Variants in TRDN observed in about 807,000 individuals in gnomAD.
The protein encoded by TRDN is triadin in skeletal muscle.
Under a neutral mutation model 149.7 loss-of-function variants are expected in TRDN, and 161 were observed. The observed-to-expected ratio is 1.08, with a 90% CI of 0.95 to 1.23. TRDN has a LOEUF of 1.23. Ranked by LOEUF, TRDN falls within the 50% of genes most tolerant of loss-of-function variation. The pLI, the probability that TRDN is intolerant of heterozygous loss-of-function variation, is 0.00. For missense variants in TRDN, 896 were observed against 823.5 expected (o/e 1.09, Z -1.08); for synonymous variants, 294 against 250.5 (o/e 1.17, Z -1.64).
chr6:123,502,644 G>A (rs1208553196), intron 8 of TRDN: 2 of 984,464 alleles, frequency 2.0e-6, no homozygotes, highest in Admixed American at 6.2e-5. Context: ...TGCCTTATGA[G>A]GAAAAATTAA....
chr6:123,571,397 A>C (rs189939718), intron 1 of TRDN, among the ~76,000 whole-genome samples: 3 of 152,300 alleles, frequency 2.0e-5, no homozygotes, highest in African/African-American at 4.8e-5. Context: ...ACAAGTGATA[A>C]AATGGTTCAA....
chr6:123,427,114 G>A (rs1774154793), intron 12 of TRDN, among the ~76,000 whole-genome samples: 1 of 151,584 alleles, frequency 6.6e-6, no homozygotes, highest in South Asian at 2.1e-4. Context: ...TATTTTTTTA[G>A]TGCCCTTGGT....
intron 37 of TRDN, among the ~76,000 whole-genome samples, chr6:123,254,398 C>T (rs540902072): frequency 6.6e-6 from 1 of 151,928 alleles, no homozygotes; most frequent in African/African-American, 2.4e-5. Flanking sequence ...AAAAACAAAG[C>T]TTTTTCTCTC....
chr6:123,377,991 T>C, intron 16 of TRDN, 93 bp from the exon 17 acceptor site: 1 of 866,560 alleles, frequency 1.2e-6, no homozygotes, highest in South Asian at 1.9e-5. Context: ...GAAACATGCA[T>C]GTGCTGATGC....
intron 4 of TRDN, among the ~76,000 whole-genome samples, chr6:123,539,085 T>C (rs1373666302): frequency 1.3e-5 from 2 of 152,194 alleles, no homozygotes; most frequent in South Asian, 2.1e-4. Flanking sequence ...TTTTAAAACA[T>C]ATTCCTGAGC....
At chr6:123,526,572 G>A (rs1453109610) in intron 5 of TRDN, among the ~76,000 whole-genome samples, 2 of 152,046 alleles carry the variant, frequency 1.3e-5, no homozygotes, top group South Asian at 2.1e-4. Context: ...GTAAACCTAC[G>A]TATTCTTAGT....
At chr6:123,277,203 T>C (rs1399704741) in intron 26 of TRDN, among the ~76,000 whole-genome samples, 1 of 152,154 alleles carries the variant, frequency 6.6e-6, no homozygotes, top group Non-Finnish European at 1.5e-5. Context: ...CCAAGTTTTA[T>C]ATGTAACTGA....
chr6:123,393,570 G>A (rs2114461154), intron 13 of TRDN, 54 bp downstream of exon 13: 1 of 1,506,398 alleles, frequency 6.6e-7, no homozygotes, highest in Non-Finnish European at 9.0e-7. Context: ...TGTCAATAAA[G>A]TGCTATAGAT....
chr6:123,369,313 A>G (rs958494150), intron 19 of TRDN, among the ~76,000 whole-genome samples: 3 of 152,174 alleles, frequency 2.0e-5, no homozygotes, highest in Non-Finnish European at 4.4e-5. Context: ...ACTTGAGTAT[A>G]TCTATGAAGA....
intron 19 of TRDN, among the ~76,000 whole-genome samples, chr6:123,372,659 G>C (rs1781365997): frequency 6.6e-6 from 1 of 152,102 alleles, no homozygotes; most frequent in African/African-American, 2.4e-5. Flanking sequence ...ATCATTGAAA[G>C]AGAAAGGGGT....
intron 1 of TRDN, among the ~76,000 whole-genome samples, chr6:123,594,362 C>T (rs1783928562): frequency 6.6e-6 from 1 of 151,962 alleles, no homozygotes; most frequent in Non-Finnish European, 1.5e-5. Context: ...TTTGTGGATG[C>T]CTAATCCAGA....
chr6:123,622,865 G>C (rs1354208718), intron 1 of TRDN, among the ~76,000 whole-genome samples: 2 of 152,112 alleles, frequency 1.3e-5, no homozygotes, highest in Non-Finnish European at 2.9e-5. Context: ...AGCACATGTA[G>C]AGTTCACTAT....
intron 10 of TRDN, chr6:123,456,966 T>C: frequency 2.5e-6 from 1 of 399,728 alleles, no homozygotes; most frequent in South Asian, 1.8e-5. Context: ...AAATTGGTAC[T>C]TGTAAGCAAG....
chr6:123,531,624 A>C (rs1780259169), intron 4 of TRDN, among the ~76,000 whole-genome samples: 1 of 152,062 alleles, frequency 6.6e-6, no homozygotes, highest in African/African-American at 2.4e-5. Flanking sequence ...ATCTACTCTT[A>C]TCTCAACTGT....
intron 10 of TRDN, chr6:123,442,184 A>G (rs1258323520): frequency 6.6e-6 from 1 of 152,312 alleles, no homozygotes; most frequent in Non-Finnish European, 1.5e-5. Context: ...AATTCTGTCC[A>G]TGACTCTTCC....
At chr6:123,529,948 C>T (rs927686851) in intron 5 of TRDN, among the ~76,000 whole-genome samples, 6 of 152,106 alleles carry the variant, frequency 3.9e-5, no homozygotes, top group Non-Finnish European at 7.4e-5. Context: ...TCTTAATTTG[C>T]TTCTGCTGCA....
chr6:123,388,383 C>T, intron 14 of TRDN, 139 bp downstream of exon 14: 7 of 926,634 alleles, frequency 7.6e-6, no homozygotes, highest in Non-Finnish European at 1.2e-5. Context: ...GTAGAAAAAG[C>T]ACATTCATGC....
chr6:123,602,346 A>T (rs984805068), intron 1 of TRDN, among the ~76,000 whole-genome samples: 1 of 152,060 alleles, frequency 6.6e-6, no homozygotes, highest in Admixed American at 6.6e-5. Flanking sequence ...CAAATATCAT[A>T]TGTTCTCACT....
At chr6:123,601,120 A>C (rs536011792) in intron 1 of TRDN, among the ~76,000 whole-genome samples, 17 of 152,240 alleles carry the variant, frequency 1.1e-4, no homozygotes, top group African/African-American at 1.7e-4. Flanking sequence ...GGCTATTTAA[A>C]GTATACCATA....
Sources: gnomAD v4.1 joint callset for allele counts (sites outside exome capture counted in the v4.1 genomes callset) on GRCh38, gnomAD v4.1.1 for gene constraint, MANE v1.5 for transcripts, NCBI Gene and HGNC (gene_info 2026-07-23, HGNC 2026-07-21) for gene names.